The following CHD7 variants were observed in gnomAD, a reference collection of about 807,000 sequenced individuals.
CHD7 encodes ATP-dependent chromatin remodeler CHD7.
In CHD7, 24 loss-of-function variants were observed where a neutral mutation model predicts 307.3. The observed-to-expected ratio is 0.08, with a 90% CI of 0.06 to 0.11. CHD7 has a LOEUF of 0.11. Ranked by LOEUF, CHD7 falls within the 10% of genes least tolerant of loss-of-function variation. The pLI, the probability that CHD7 is intolerant of heterozygous loss-of-function variation, is 1.00. For missense variants in CHD7, 3,106 were observed against 3,727.1 expected, an observed-to-expected ratio of 0.83 and a Z score of 4.34; for synonymous variants, 1,363 against 1,349.9, an observed-to-expected ratio of 1.01 and a Z score of -0.21.
chr8:60,702,856 C>G (rs1283116646), intron 1 of CHD7, among the ~76,000 whole-genome samples: 1 of 152,184 alleles, frequency 6.6e-6, no homozygotes, highest in African/African-American at 2.4e-5. Context: ...CAGCTGGTGG[C>G]TGATAGTTAG....
chr8:60,798,586 G>A (rs1398548008), intron 4 of CHD7, among the ~76,000 whole-genome samples: 1 of 152,176 alleles, frequency 6.6e-6, no homozygotes, highest in Non-Finnish European at 1.5e-5. Flanking sequence ...AAATGGTAGT[G>A]CCTGTCTTGC....
At chr8:60,812,484 G>A (rs756517755) in intron 7 of CHD7, among the ~76,000 whole-genome samples, 2 of 151,880 alleles carry the variant, frequency 1.3e-5, no homozygotes, top group Non-Finnish European at 2.9e-5. Context: ...CCAACATAGC[G>A]AAACCCCATC....
Position 60,865,998 on chromosome 8 carries a change from C to A in CHD7, c.*65C>A. Reference sequence around the variant, plus strand: ...AAGTGGTAGTCCTACTGTTTACACTCACAGTTAATGTTCATACCTAGTTTT... The same window carrying A: ...AAGTGGTAGTCCTACTGTTTACACTAACAGTTAATGTTCATACCTAGTTTT... On this transcript the variant is annotated 3_prime_UTR_variant, in exon 38 of 38. Coordinates refer to ENST00000423902, the MANE Select transcript of CHD7 (RefSeq NM_017780.4). This position sits in a 1 kb window ranked among gnomAD's most constrained non-coding sequence, Gnocchi z 4.3. 1 of 1,377,546 alleles carries A rather than the reference C, an allele frequency of 7.3e-7. No homozygotes were observed. The highest frequency in any genetic ancestry group is 1.3e-5 in the South Asian group (1 of 79,628). 85.3% of individuals were successfully genotyped at this position (1,377,546 alleles called of 1,614,324 possible). A position where few individuals can be genotyped will look rare whatever the true frequency, so the allele number is the denominator to read the frequency against.
At chr8:60,697,150 T>A (rs1806521434) in intron 1 of CHD7, among the ~76,000 whole-genome samples, 1 of 152,222 alleles carries the variant, frequency 6.6e-6, no homozygotes, top group African/African-American at 2.4e-5. Flanking sequence ...AAGAGAAGCC[T>A]CTTGAGACTT....
At chr8:60,687,585 A>G (rs559409042) in intron 1 of CHD7, among the ~76,000 whole-genome samples, 4 of 152,336 alleles carry the variant, frequency 2.6e-5, no homozygotes, top group East Asian at 1.9e-4. Context: ...ACCCTGAAGT[A>G]TATGTTGGGC....
intron 26 of CHD7, 191 bp downstream of exon 26, chr8:60,850,813 C>T (rs1805418671): frequency 1.4e-6 from 1 of 735,568 alleles, no homozygotes; most frequent in Admixed American, 2.9e-5. Context: ...TAATCTGAAA[C>T]TTGTTTTTCT....
intron 2 of CHD7, among the ~76,000 whole-genome samples, chr8:60,751,736 G>A (rs1277395498): frequency 1.3e-5 from 2 of 152,328 alleles, no homozygotes; most frequent in East Asian, 3.9e-4. Flanking sequence ...AAAAATGGAG[G>A]AGAACCTTCG....
At chr8:60,731,816 A>G (rs1808469994) in intron 1 of CHD7, among the ~76,000 whole-genome samples, 1 of 152,094 alleles carries the variant, frequency 6.6e-6, no homozygotes, top group Non-Finnish European at 1.5e-5. Context: ...ACCTTCCTTT[A>G]CAGTTTGAAC....
intron 34 of CHD7, 62 bp from the exon 35 acceptor site, chr8:60,860,842 T>C: frequency 8.2e-7 from 1 of 1,220,184 alleles, no homozygotes; most frequent in Non-Finnish European, 1.2e-6. Flanking sequence ...TTTCTTGAAA[T>C]AGGACATTGT....
intron 16 of CHD7, 64 bp from the exon 17 acceptor site, chr8:60,836,753 A>G: frequency 8.3e-7 from 1 of 1,204,164 alleles, no homozygotes; most frequent in Non-Finnish European, 1.2e-6. Context: ...TTAAAAATTA[A>G]AAAAAGGAGC....
At chr8:60,826,233 C>T (rs941008582) in intron 13 of CHD7, among the ~76,000 whole-genome samples, 1 of 152,214 alleles carries the variant, frequency 6.6e-6, no homozygotes, top group African/African-American at 2.4e-5. Flanking sequence ...TCCCCAAGGA[C>T]TTATAACCTG....
intron 1 of CHD7, among the ~76,000 whole-genome samples, chr8:60,716,121 A>G (rs1231560535): frequency 1.3e-5 from 2 of 152,228 alleles, no homozygotes; most frequent in East Asian, 1.9e-4. Flanking sequence ...CCTTTAAAGT[A>G]TATGCAGAGT....
Position 60,863,135 on chromosome 8 carries a change from G to A in CHD7, c.8076+483G>A, listed in dbSNP as rs529173565. On this transcript the variant is annotated intron_variant, in intron 37 of 37. Transcript: ENST00000423902. ...TAATTATACATTAAAAATGTCTTTC[G>A]GTGTAACATTCTGTTGATCTTAACA... The A allele has an allele frequency of 4.6e-4, 71 of 154,508 alleles. 1 individual carries two copies. In the South Asian group the frequency reaches 0.013, roughly 28 times the overall value. 9.6% of individuals were successfully genotyped at this position (154,508 alleles called of 1,614,324 possible).
chr8:60,767,908 A>T (rs1428973142), intron 2 of CHD7, among the ~76,000 whole-genome samples: 1 of 152,236 alleles, frequency 6.6e-6, no homozygotes, highest in Non-Finnish European at 1.5e-5. Flanking sequence ...TTCAGCATAG[A>T]CTAAAGTTAC....
At chr8:60,684,522 C>T (rs1805786965) in intron 1 of CHD7, among the ~76,000 whole-genome samples, 1 of 152,038 alleles carries the variant, frequency 6.6e-6, no homozygotes, top group African/African-American at 2.4e-5. Context: ...GAGCTTAGGA[C>T]TTGGGGATTC....
At chr8:60,745,730 A>T (rs1809289473) in intron 2 of CHD7, among the ~76,000 whole-genome samples, 1 of 152,214 alleles carries the variant, frequency 6.6e-6, no homozygotes. Flanking sequence ...CAGGCACAGA[A>T]CATAGACTTT....
chr8:60,705,069 A>T (rs1806956350), intron 1 of CHD7, among the ~76,000 whole-genome samples: 1 of 152,204 alleles, frequency 6.6e-6, no homozygotes, highest in Non-Finnish European at 1.5e-5. Context: ...ATCTGATCCA[A>T]TTGAGAGGTG....
chr8:60,746,928 G>C (rs1322609707), intron 2 of CHD7, among the ~76,000 whole-genome samples: 2 of 152,134 alleles, frequency 1.3e-5, no homozygotes, highest in Non-Finnish European at 2.9e-5. Context: ...AATTAGAACA[G>C]TTTTTCTCAA....
At chr8:60,709,859 A>G (rs1038816056) in intron 1 of CHD7, among the ~76,000 whole-genome samples, 1 of 152,230 alleles carries the variant, frequency 6.6e-6, no homozygotes, top group Non-Finnish European at 1.5e-5. Context: ...AAAGATAGCT[A>G]TTCTCCTACA....
Sources: gnomAD v4.1 joint callset for allele counts (sites outside exome capture counted in the v4.1 genomes callset) on GRCh38, gnomAD v4.1.1 for gene constraint, Gnocchi (gnomAD v3.1) non-coding constraint, MANE v1.5 for transcripts, NCBI Gene and HGNC (gene_info 2026-07-23, HGNC 2026-07-21) for gene names.